The following PDSS1 variants were observed in gnomAD, a reference collection of about 807,000 sequenced individuals.
The protein encoded by PDSS1 is decaprenyl diphosphate synthase subunit 1, also known as all trans-polyprenyl-diphosphate synthase PDSS1.
Under a neutral mutation model 57.5 loss-of-function variants are expected in PDSS1, and 43 were observed. The observed-to-expected ratio is 0.75, with a 90% confidence interval of 0.59 to 0.96. PDSS1 has a LOEUF of 0.96. Among genes scored for constraint, PDSS1 ranks in the 50% least tolerant of loss-of-function variants. The pLI is 0.00. For synonymous variants in PDSS1, 175 were observed against 191.3 expected (o/e 0.91, Z 0.70); for missense variants, 438 against 527.8 (o/e 0.83, Z 1.67).
At chr10:26,705,167 AT>A in intron 3 of PDSS1, 118 bp from the exon 4 acceptor site, 3 of 697,206 alleles carry the variant, frequency 4.3e-6, no homozygotes, top group Non-Finnish European at 8.0e-6. Context: ...ACCTTTTCAG[AT>A]TCATGATTAA....
intron 2 of PDSS1, among the ~76,000 whole-genome samples, chr10:26,704,202 A>G (rs557902103): frequency 3.3e-5 from 5 of 152,214 alleles, no homozygotes; most frequent in South Asian, 4.1e-4. Flanking sequence ...TCATTCCAGA[A>G]TAACTACTTT....
chr10:26,707,847 A>C (rs982133034), intron 4 of PDSS1, among the ~76,000 whole-genome samples: 3 of 152,124 alleles, frequency 2.0e-5, no homozygotes, highest in African/African-American at 7.2e-5. Flanking sequence ...CTTTTCCCCC[A>C]CGAGTTGTTT....
chr10:26,726,477 G>C (rs1400041043), intron 8 of PDSS1, among the ~76,000 whole-genome samples: 1 of 152,140 alleles, frequency 6.6e-6, no homozygotes, highest in Non-Finnish European at 1.5e-5. Context: ...CTATTTTTAC[G>C]TACTCTTGGT....
At chr10:26,698,853 G>C (rs1159987154) in intron 1 of PDSS1, among the ~76,000 whole-genome samples, 1 of 152,266 alleles carries the variant, frequency 6.6e-6, no homozygotes, top group South Asian at 2.1e-4. Context: ...GCCAGGCACA[G>C]TGGCTCACAC....
intron 8 of PDSS1, chr10:26,734,779 G>A (rs1024492330): frequency 2.2e-6 from 1 of 456,474 alleles, no homozygotes; most frequent in Admixed American, 2.4e-5. Context: ...AATTGTGTGT[G>A]ATTACATTAG....
chr10:26,702,504 C>A (rs78504567), intron 2 of PDSS1, among the ~76,000 whole-genome samples: 10,723 of 152,120 alleles, frequency 0.07, 1,160 homozygotes, highest in African/African-American at 0.23. Flanking sequence ...CTTCTGTGTT[C>A]ATTCTCCTTC....
intron 6 of PDSS1, among the ~76,000 whole-genome samples, chr10:26,721,650 A>G (rs945855666): frequency 1.3e-5 from 2 of 152,152 alleles, no homozygotes; most frequent in African/African-American, 4.8e-5. Context: ...TTTGGAGAGG[A>G]TGTGGGTAAC....
chr10:26,706,146 G>A lies in PDSS1; in HGVS notation c.336+752G>A, dbSNP rs530685693. On this transcript the variant is annotated intron_variant, in intron 4 of 11. Transcript: ENST00000376215. ...TGGTTGGGCACCGTGGCTCGTGCCT[G>A]TAATCCCACCAATTTAGGAGGCCAA... Among the ~76,000 whole-genome samples the A allele has an allele frequency of 3.9e-5, 6 of 152,286 alleles. No homozygotes were observed. In the East Asian group the frequency reaches 1.2e-3, roughly 29 times the overall value.
chr10:26,717,137 C>T (rs550066260), intron 5 of PDSS1, among the ~76,000 whole-genome samples: 32 of 152,282 alleles, frequency 2.1e-4, no homozygotes, highest in African/African-American at 5.5e-4. Flanking sequence ...GTATATTCTA[C>T]GTAGAAGCTG....
At chr10:26,721,194 G>A (rs191055119) in intron 6 of PDSS1, among the ~76,000 whole-genome samples, 1 of 151,960 alleles carries the variant, frequency 6.6e-6, no homozygotes, top group East Asian at 1.9e-4. Context: ...AGCTACTCAG[G>A]AGGCTTAGGC....
chr10:26,746,351 A>C lies in PDSS1; in HGVS notation c.1126A>C (p.Thr376Pro), dbSNP rs1260806118. 6 of 1,614,020 alleles carry C rather than the reference A, an allele frequency of 3.7e-6. No homozygotes were observed. Among genetic ancestry groups the C allele is most frequent in the East Asian group, 2.2e-5 (1 of 44,882 alleles). Residue 376 changes from threonine to proline, a missense_variant, in exon 12 of 12, where the codon ACA becomes CCA. By Grantham distance (38) the Thr-to-Pro change is conservative (BLOSUM62 -1). This residue lies in a region of PDSS1 where 284 missense variants were observed against 390.7 expected (regional missense o/e 0.73). Coordinates refer to ENST00000376215, the MANE Select transcript of PDSS1 (RefSeq NM_014317.5). ...YVLQSDGVQQ[T>P]TYLAQQYCHE... ...CTTATAGAGTGATGGTGTGCAACAAACAACCTACCTCGCCCAGCAGTACTG... is the reference window on the plus strand; with the variant it reads ...CTTATAGAGTGATGGTGTGCAACAACCAACCTACCTCGCCCAGCAGTACTG...
chr10:26,709,613 G>A (rs1255829817), intron 4 of PDSS1, 25 bp from the exon 5 acceptor site: 1 of 1,610,830 alleles, frequency 6.2e-7, no homozygotes, highest in Non-Finnish European at 8.5e-7. Context: ...TGATGCCATT[G>A]TGACACAGAG....
At chr10:26,707,907 G>A (rs540182087) in intron 4 of PDSS1, among the ~76,000 whole-genome samples, 1 of 152,300 alleles carries the variant, frequency 6.6e-6, no homozygotes, top group Non-Finnish European at 1.5e-5. Flanking sequence ...CCCAGGACTT[G>A]TCCCTCTCCT....
chr10:26,724,033 G>T lies in PDSS1; in HGVS notation c.741G>T (p.Gly247=), dbSNP rs1835874769. 1 of 1,613,838 alleles carries T rather than the reference G, an allele frequency of 6.2e-7. No homozygotes were observed. The highest frequency in any genetic ancestry group is 8.5e-7 in the Non-Finnish European group (1 of 1,179,820). The stretch of plus-strand genomic sequence containing the variant: ...TTATAGGTGAATTTCTTCAGCTCGG[G>T]TCAAAAGAAAATGAGAATGAAAGAT... ...DLVRGEFLQL[G]SKENENERFA... Residue 247 remains glycine, a synonymous_variant, in exon 8 of 12, where the codon GGG becomes GGT. Coordinates refer to ENST00000376215, the MANE Select transcript of PDSS1 (RefSeq NM_014317.5).
At chr10:26,709,797 T>C in intron 5 of PDSS1, 29 bp downstream of exon 5, 1 of 1,610,720 alleles carries the variant, frequency 6.2e-7, no homozygotes, top group Non-Finnish European at 8.5e-7. Flanking sequence ...TCCTTTCTTG[T>C]TTTTATATTT....
rs1051839754 is a variant in PDSS1 at position 26,724,719 on chromosome 10, A to G, written c.831+596A>G. On this transcript the variant is annotated intron_variant, in intron 8 of 11. Transcript: ENST00000376215. ...CAGCTTCCCTAGTAGCTGGGACCACAGGTGTGCGCCATCACACCCAGCTAA... is the reference window on the plus strand; with the variant it reads ...CAGCTTCCCTAGTAGCTGGGACCACGGGTGTGCGCCATCACACCCAGCTAA... 5.3e-5 allele frequency among the ~76,000 whole-genome samples: 8 copies of G among 152,240 alleles called. No individual in the cohort carries two copies. In the East Asian group the frequency reaches 1.5e-3, roughly 29 times the overall value.
At chr10:26,727,071 AAAC>A (rs1835977755) in intron 8 of PDSS1, among the ~76,000 whole-genome samples, 4 of 16,674 alleles carry the variant, frequency 2.4e-4, no homozygotes, top group South Asian at 4.3e-3. Flanking sequence ...AAAAAAAAAC[AAAC>A]AAACCAGAAT....
intron 11 of PDSS1, among the ~76,000 whole-genome samples, chr10:26,746,084 A>G (rs916316128): frequency 2.0e-5 from 3 of 152,102 alleles, no homozygotes; most frequent in African/African-American, 7.2e-5. Flanking sequence ...ACGAATGACT[A>G]TGTAATATTG....
At chr10:26,729,738 G>A (rs1184962233) in intron 8 of PDSS1, among the ~76,000 whole-genome samples, 1 of 152,074 alleles carries the variant, frequency 6.6e-6, no homozygotes, top group Admixed American at 6.5e-5. Context: ...CAGTGTGGTT[G>A]TGTTATTATT....
Sources: gnomAD v4.1 joint callset for allele counts (sites outside exome capture counted in the v4.1 genomes callset) on GRCh38, gnomAD v4.1.1 for gene constraint, gnomAD v4.1.1 regional missense constraint, MANE v1.5 for transcripts, NCBI Gene and HGNC (gene_info 2026-07-23, HGNC 2026-07-21) for gene names.